KIAA1328: variants seen among roughly 807,000 people sequenced by gnomAD.
The protein encoded by KIAA1328 is KIAA1328, also known as protein hinderin.
Under a neutral mutation model 68.1 loss-of-function variants are expected in KIAA1328, and 52 were observed. The observed-to-expected ratio is 0.76, with a 90% CI of 0.61 to 0.96. KIAA1328 has a LOEUF of 0.96. Among genes scored for constraint, KIAA1328 ranks in the 40% least tolerant of loss-of-function variants. KIAA1328 has a pLI of 0.00. For synonymous variants in KIAA1328, 232 were observed against 239.4 expected (o/e 0.97, Z 0.28); for missense variants, 641 against 677.6 (o/e 0.95, Z 0.60).
chr18:37,001,513 C>T (rs2053584546), intron 6 of KIAA1328, among the ~76,000 whole-genome samples: 1 of 152,146 alleles, frequency 6.6e-6, no homozygotes. Flanking sequence ...TTCTCCCTAA[C>T]TCATTCTACA....
At chr18:37,056,744 G>A (rs1192211923) in intron 6 of KIAA1328, among the ~76,000 whole-genome samples, 1 of 151,512 alleles carries the variant, frequency 6.6e-6, no homozygotes, top group African/African-American at 2.4e-5. Flanking sequence ...TCTGCCTCCT[G>A]GGTTCAAGCA....
intron 6 of KIAA1328, among the ~76,000 whole-genome samples, chr18:37,053,865 G>A (rs1345213369): frequency 1.3e-5 from 2 of 151,694 alleles, no homozygotes; most frequent in Non-Finnish European, 2.9e-5. Context: ...TGGGTACACA[G>A]AGCCAGAACA....
intron 5 of KIAA1328, among the ~76,000 whole-genome samples, chr18:36,944,772 G>A (rs760258601): frequency 6.6e-6 from 1 of 152,184 alleles, no homozygotes; most frequent in Non-Finnish European, 1.5e-5. Context: ...GTTGAAGAAG[G>A]AAGTGACCAG....
Position 37,223,045 on chromosome 18 carries a change from T to TCCGGGGGGCCC in KIAA1328, c.*819_*820insCGGGGGGCCCC. Reference sequence around the variant, plus strand: ...TTATTTACCCAAGTGTTCAGCTTATTCACCCCACCCCCCCACCCCCCATCA... The same window carrying TCCGGGGGGCCC: ...TTATTTACCCAAGTGTTCAGCTTATTCCGGGGGGCCCCACCCCACCCCCCCACCCCCCATCA... On this transcript the variant is annotated 3_prime_UTR_variant, in exon 10 of 10. Transcript: ENST00000280020. The TCCGGGGGGCCC allele has an allele frequency of 1.0e-6, 1 of 974,260 alleles. No homozygotes were observed. The highest frequency in any genetic ancestry group is 1.2e-6 in the Non-Finnish European group (1 of 825,512). The allele number at this position is 974,260 out of a possible 1,614,324, so 60.4% of individuals were successfully genotyped here.
chr18:37,100,731 G>A (rs1185513528), intron 7 of KIAA1328, among the ~76,000 whole-genome samples: 1 of 152,188 alleles, frequency 6.6e-6, no homozygotes, highest in East Asian at 1.9e-4. Flanking sequence ...CCTCAAGTGG[G>A]TCCCTGACCC....
intron 9 of KIAA1328, among the ~76,000 whole-genome samples, chr18:37,178,631 T>A (rs2059640201): frequency 6.6e-6 from 1 of 152,170 alleles, no homozygotes; most frequent in Admixed American, 6.5e-5. Flanking sequence ...ATGGTAGTTC[T>A]TTTTGTAATT....
chr18:36,978,949 A>C (rs1287496828), intron 6 of KIAA1328, among the ~76,000 whole-genome samples: 1 of 152,108 alleles, frequency 6.6e-6, no homozygotes, highest in Non-Finnish European at 1.5e-5. Context: ...GATCACTTGA[A>C]GCCAGTTCAA....
Position 36,974,709 on chromosome 18 carries a change from G to A in KIAA1328, c.576+15274G>A, listed in dbSNP as rs141831437. Among the ~76,000 whole-genome samples the A allele has an allele frequency of 4.6e-3, 702 of 152,100 alleles. 6 individuals carry two copies. Among genetic ancestry groups the A allele is most frequent in the South Asian group, 0.032 (153 of 4,806 alleles). ...ATTGTTGTTCTATTTTTAGTTATTC[G>A]AGAAATCTCCATACTGTTTTCCATA... is the stretch of plus-strand genomic sequence containing the variant. On this transcript the variant is annotated intron_variant, in intron 6 of 9. Transcript: ENST00000280020.
At chr18:36,948,796 G>A (rs928373724) in intron 5 of KIAA1328, among the ~76,000 whole-genome samples, 5 of 151,828 alleles carry the variant, frequency 3.3e-5, no homozygotes, top group African/African-American at 7.3e-5. Flanking sequence ...TGATCCGCCC[G>A]CCTCGGCCTC....
At chr18:36,841,086 G>C (rs937489435) in intron 3 of KIAA1328, among the ~76,000 whole-genome samples, 1 of 151,874 alleles carries the variant, frequency 6.6e-6, no homozygotes, top group African/African-American at 2.4e-5. Context: ...AGCAAATACT[G>C]CCTTTTGAGG....
intron 4 of KIAA1328, among the ~76,000 whole-genome samples, chr18:36,879,853 C>A (rs1196180537): frequency 2.0e-5 from 3 of 152,150 alleles, no homozygotes; most frequent in Non-Finnish European, 4.4e-5. Context: ...CCTACTCAAG[C>A]CTCAGTAATG....
At chr18:37,056,164 G>C (rs1049779911) in intron 6 of KIAA1328, among the ~76,000 whole-genome samples, 1 of 152,030 alleles carries the variant, frequency 6.6e-6, no homozygotes, top group Non-Finnish European at 1.5e-5. Context: ...GAAAATCCTG[G>C]CTTATCATAA....
chr18:37,126,037 A>G (rs568872376), intron 7 of KIAA1328, among the ~76,000 whole-genome samples: 45 of 152,340 alleles, frequency 3.0e-4, no homozygotes, highest in African/African-American at 9.9e-4. Flanking sequence ...CAGAAATGAT[A>G]GTGATGTTAA....
intron 7 of KIAA1328, among the ~76,000 whole-genome samples, chr18:37,098,809 G>A (rs2057501273): frequency 6.6e-6 from 1 of 152,184 alleles, no homozygotes; most frequent in Admixed American, 6.5e-5. Flanking sequence ...TTGGGAGGGT[G>A]TATGTGTCGA....
intron 6 of KIAA1328, among the ~76,000 whole-genome samples, chr18:37,006,693 G>A (rs322630): frequency 0.73 from 111,265 of 151,774 alleles, 43,895 homozygotes; most frequent in South Asian, 0.89. Context: ...GACAGGCCCC[G>A]GTGTGTGATG....
At position 36,944,508 on chromosome 18, in the gene KIAA1328, G is replaced by A. The variant is rs535411041; in HGVS notation, c.449-14800G>A. Among the ~76,000 whole-genome samples, 3 of 152,248 alleles carry A rather than the reference G, an allele frequency of 2.0e-5. No homozygotes were observed. The East Asian group carries it at 5.8e-4, about 29-fold the overall frequency. On this transcript the variant is annotated intron_variant, in intron 5 of 9. Coordinates refer to ENST00000280020, the MANE Select transcript of KIAA1328 (RefSeq NM_020776.3). Reference sequence around the variant, plus strand: ...GCAGGAGAATGGCGTGAACCCGGGAGGCGGAGCTTGCAGTGAGCTGGGATC... The same window carrying A: ...GCAGGAGAATGGCGTGAACCCGGGAAGCGGAGCTTGCAGTGAGCTGGGATC...
chr18:36,932,175 T>C (rs988204108), intron 5 of KIAA1328, among the ~76,000 whole-genome samples: 1 of 152,240 alleles, frequency 6.6e-6, no homozygotes, highest in South Asian at 2.1e-4. Context: ...TCAGTGATCA[T>C]AAACGTTTCC....
intron 6 of KIAA1328, among the ~76,000 whole-genome samples, chr18:37,000,192 T>A (rs2053537529): frequency 6.6e-6 from 1 of 151,982 alleles, no homozygotes; most frequent in Non-Finnish European, 1.5e-5. Context: ...AAACCAAAAG[T>A]GAGCAGGAGT....
intron 1 of KIAA1328, 95 bp downstream of exon 1, chr18:36,829,291 T>A: frequency 1.4e-6 from 2 of 1,428,434 alleles, no homozygotes; most frequent in Non-Finnish European, 1.8e-6. Flanking sequence ...GAGGAGAAGC[T>A]CCGAACTAAC....
Sources: allele counts gnomAD v4.1 joint callset (sites outside exome capture counted in the v4.1 genomes callset), GRCh38; gene constraint gnomAD v4.1.1; transcripts MANE v1.5; gene names NCBI Gene and HGNC (gene_info 2026-07-23, HGNC 2026-07-21).